MYO9A: variants seen among roughly 807,000 people sequenced by gnomAD.
MYO9A encodes myosin IXA.
MYO9A carries 103 observed loss-of-function variants against 293.3 expected under a neutral mutation model. The observed-to-expected ratio is 0.35, with a 90% CI of 0.30 to 0.41. MYO9A has a LOEUF of 0.41. Among genes scored for constraint, MYO9A ranks in the 10% least tolerant of loss-of-function variants. The pLI is 1.00. For synonymous variants in MYO9A, 1,001 were observed against 1,035.7 expected (o/e 0.97, Z 0.64); for missense variants, 2,685 against 3,033.0 (o/e 0.89, Z 2.69).
At chr15:71,987,761 T>A (rs2076442021) in intron 11 of MYO9A, among the ~76,000 whole-genome samples, 1 of 152,214 alleles carries the variant, frequency 6.6e-6, no homozygotes, top group Non-Finnish European at 1.5e-5. Context: ...ACCTTCTTTT[T>A]AAAAATTTTA....
chr15:71,954,195 T>C (rs1158137327), intron 14 of MYO9A, among the ~76,000 whole-genome samples: 1 of 150,056 alleles, frequency 6.7e-6, no homozygotes, highest in Non-Finnish European at 1.5e-5. Context: ...TGCCCGGCCA[T>C]CATCAACTCT....
intron 20 of MYO9A, among the ~76,000 whole-genome samples, chr15:71,904,686 T>C (rs1004299325): frequency 1.6e-4 from 24 of 152,094 alleles, no homozygotes; most frequent in Non-Finnish European, 3.1e-4. Context: ...GAAAATTCTT[T>C]TCTGACAGGA....
At chr15:71,957,681 CT>C (rs1318583219) in intron 14 of MYO9A, among the ~76,000 whole-genome samples, 2 of 152,058 alleles carry the variant, frequency 1.3e-5, no homozygotes, top group Non-Finnish European at 2.9e-5. Context: ...GTTACATAGT[CT>C]ATTGAGTGGG....
At chr15:72,076,744 A>C (rs2079364679) in intron 1 of MYO9A, among the ~76,000 whole-genome samples, 1 of 152,184 alleles carries the variant, frequency 6.6e-6, no homozygotes, top group Non-Finnish European at 1.5e-5. Flanking sequence ...TGACAAACTT[A>C]TATCGTTTAT....
chr15:72,018,971 A>C (rs1596391326), intron 6 of MYO9A, 68 bp downstream of exon 6: 2 of 1,202,820 alleles, frequency 1.7e-6, no homozygotes, highest in East Asian at 4.7e-5. Context: ...AAATCTTCAG[A>C]TGGATGCAAA....
intron 23 of MYO9A, among the ~76,000 whole-genome samples, chr15:71,900,725 A>G (rs2057459399): frequency 6.6e-6 from 1 of 152,224 alleles, no homozygotes; most frequent in South Asian, 2.1e-4. Flanking sequence ...TGAAGATACT[A>G]AAGATTTTCT....
intron 6 of MYO9A, 70 bp from the exon 7 acceptor site, chr15:72,010,517 T>C: frequency 7.4e-7 from 1 of 1,354,002 alleles, no homozygotes; most frequent in African/African-American, 1.5e-5. Flanking sequence ...CATTCAGAAA[T>C]ATGGTAATTT....
intron 2 of MYO9A, among the ~76,000 whole-genome samples, chr15:72,038,781 G>GT (rs1246980404): frequency 3.9e-5 from 6 of 152,158 alleles, no homozygotes; most frequent in Non-Finnish European, 5.9e-5. Context: ...GTATTATGAC[G>GT]TGAGAGAAAT....
intron 1 of MYO9A, among the ~76,000 whole-genome samples, chr15:72,094,620 C>T (rs2080017708): frequency 1.1e-5 from 1 of 91,800 alleles, no homozygotes; most frequent in African/African-American, 2.6e-5. Flanking sequence ...CTCCAGCAAT[C>T]CTCCTGCCTC....
rs375093298 is a variant in MYO9A, at chr15:71,852,120, G to A, written c.6475+12C>T. On this transcript the variant is annotated intron_variant, in intron 36 of 41. Coordinates refer to ENST00000356056, the MANE Select transcript of MYO9A (RefSeq NM_006901.4). ...ATAGGCCTTCTCTCTAACCCAGGAA[G>A]CCTATGCTTACCCATAGCTCGAAGA... 124 of 1,606,768 alleles carry A rather than the reference G, an allele frequency of 7.7e-5. No individual in the cohort carries two copies. The highest frequency in any genetic ancestry group is 9.7e-5 in the Non-Finnish European group (114 of 1,175,230).
intron 4 of MYO9A, among the ~76,000 whole-genome samples, chr15:72,023,701 AAAAAAAAAAAAAG>A (rs912507630): frequency 8.6e-5 from 13 of 151,204 alleles, no homozygotes; most frequent in African/African-American, 3.1e-4. Flanking sequence ...GTCTCAAAAA[AAAAAAAAAAAAAG>A]AAAAGAAAAA....
intron 34 of MYO9A, among the ~76,000 whole-genome samples, chr15:71,855,666 C>G (rs534464612): frequency 5.3e-4 from 81 of 152,254 alleles, no homozygotes; most frequent in African/African-American, 1.8e-3. Context: ...GTTGCCAAGT[C>G]AATCAGTTCA....
rs779087224 is a variant in MYO9A at position 71,898,275 on chromosome 15, C to T, written c.4228G>A (p.Asp1410Asn). 1.9e-6 allele frequency: 3 copies of T among 1,614,158 alleles called. No homozygotes were observed. In the South Asian group the frequency reaches 3.3e-5, roughly 18 times the overall value. Residue 1410 changes from aspartate (D) to asparagine (N), a missense_variant, in exon 25 of 42, where the codon GAC becomes AAC. Asp to Asn is a conservative substitution (Grantham distance 23). Around this residue, in one of 10 missense-constraint regions of MYO9A, gnomAD observed 1,434 missense variants for 1,497.7 expected, o/e 0.96. Coordinates refer to ENST00000356056, the MANE Select transcript of MYO9A (RefSeq NM_006901.4). ...ESITCKPQLK[D>N]SFISNSLPTF... ...GGTAGACTATTTGAAATGAAGGAGTCTTTCAGCTGTGGTTTACAGGTAATA... is the reference window on the plus strand; with the variant it reads ...GGTAGACTATTTGAAATGAAGGAGTTTTTCAGCTGTGGTTTACAGGTAATA...
intron 11 of MYO9A, among the ~76,000 whole-genome samples, chr15:71,982,328 T>TAA (rs2076296602): frequency 6.6e-6 from 1 of 152,098 alleles, no homozygotes; most frequent in Admixed American, 6.5e-5. Flanking sequence ...CCTAGAATAT[T>TAA]TCTTAATTTT....
At chr15:71,863,154 GA>G (rs1287809032) in intron 32 of MYO9A, among the ~76,000 whole-genome samples, 2 of 151,592 alleles carry the variant, frequency 1.3e-5, no homozygotes, top group Non-Finnish European at 2.9e-5. Context: ...GGCTGGTCTT[GA>G]ACTCCTGATC....
At chr15:71,945,328 G>C (rs971270954) in intron 15 of MYO9A, among the ~76,000 whole-genome samples, 1 of 152,202 alleles carries the variant, frequency 6.6e-6, no homozygotes, top group African/African-American at 2.4e-5. Flanking sequence ...GTCTCTCCAA[G>C]AGACAGTGAT....
intron 1 of MYO9A, among the ~76,000 whole-genome samples, chr15:72,067,522 C>A (rs2150107067): frequency 1.3e-5 from 2 of 152,100 alleles, no homozygotes; most frequent in South Asian, 4.2e-4. Flanking sequence ...ACCTCGTGAT[C>A]CACCCGCCTC....
At chr15:71,999,589 CA>C (rs2076807080) in intron 9 of MYO9A, among the ~76,000 whole-genome samples, 1 of 152,084 alleles carries the variant, frequency 6.6e-6, no homozygotes, top group South Asian at 2.1e-4. Context: ...CTATCTACCC[CA>C]CATTAGTAAT....
rs140558468 is a variant in MYO9A, at chr15:71,938,839, C to T, written c.2378+13G>A. 8.0e-4 allele frequency: 1,266 copies of T among 1,587,530 alleles called. 1 individual carries two copies. The highest frequency in any genetic ancestry group is 1.0e-3 in the Non-Finnish European group (1,169 of 1,165,588). ...TCTATACGTCCTTGAAAACATAAAC[C>T]AAACACACTTACTGTTGGTTTTTTT... On this transcript the variant is annotated intron_variant, in intron 16 of 41. Transcript: ENST00000356056.
Sources: gnomAD v4.1 joint callset for allele counts (sites outside exome capture counted in the v4.1 genomes callset) on GRCh38, gnomAD v4.1.1 for gene constraint, gnomAD v4.1.1 regional missense constraint, MANE v1.5 for transcripts, NCBI Gene and HGNC (gene_info 2026-07-23, HGNC 2026-07-21) for gene names.